LINGO2: variants seen among roughly 807,000 people sequenced by gnomAD.
LINGO2 encodes leucine-rich repeat and immunoglobulin-like domain-containing nogo receptor-interacting protein 2.
In LINGO2, 14 loss-of-function variants were observed where a neutral mutation model predicts 30.6. The ratio of observed to expected loss-of-function variants is 0.46; its 90% CI spans 0.30 to 0.72. The LOEUF is 0.72. Among genes scored for constraint, LINGO2 ranks in the 30% least tolerant of loss-of-function variants. LINGO2 has a pLI of 0.07. For missense variants in LINGO2, 729 were observed against 751.7 expected (o/e 0.97, Z 0.35); for synonymous variants, 317 against 288.5 (o/e 1.10, Z -1.00).
chr9:28,213,685 T>C (rs1003099790), intron 4 of LINGO2, among the ~76,000 whole-genome samples: 2 of 151,482 alleles, frequency 1.3e-5, no homozygotes, highest in Non-Finnish European at 3.0e-5. Context: ...TGGTCACTTA[T>C]GAAATACTTA....
intron 4 of LINGO2, among the ~76,000 whole-genome samples, chr9:28,277,291 G>T (rs941461926): frequency 7.9e-5 from 12 of 152,020 alleles, no homozygotes; most frequent in Non-Finnish European, 1.6e-4. Flanking sequence ...TTGTTTTGGG[G>T]TGACACAAAT....
At chr9:28,807,084 G>A in the LINGO2 span, among the ~76,000 whole-genome samples, 77,404 of 151,354 alleles carry the variant, frequency 0.51, 20,507 homozygotes, top group Middle Eastern at 0.66. Context: ...GAGTGCAGTG[G>A]CGCAATTTCA....
the LINGO2 span, among the ~76,000 whole-genome samples, chr9:28,910,756 G>GT: frequency 2.0e-5 from 3 of 151,754 alleles, no homozygotes; most frequent in African/African-American, 4.8e-5. Context: ...ACCAATTAAA[G>GT]TTTTTTTTCT....
chr9:27,990,553 T>A (rs1821349718), intron 5 of LINGO2, among the ~76,000 whole-genome samples: 1 of 151,296 alleles, frequency 6.6e-6, no homozygotes, highest in South Asian at 2.1e-4. Flanking sequence ...TAGTCAATTT[T>A]AAAAATTTGG....
the LINGO2 span, among the ~76,000 whole-genome samples, chr9:29,183,199 C>T: frequency 6.6e-6 from 1 of 152,158 alleles, no homozygotes; most frequent in African/African-American, 2.4e-5. Context: ...AAGAGATGAA[C>T]TGCCACAGCC....
the LINGO2 span, among the ~76,000 whole-genome samples, chr9:28,783,044 A>C: frequency 1.4e-4 from 22 of 152,328 alleles, no homozygotes; most frequent in South Asian, 4.3e-3. Context: ...GTACAGTAAA[A>C]ATATGATGTA....
At chr9:28,828,802 G>C in the LINGO2 span, among the ~76,000 whole-genome samples, 1 of 152,082 alleles carries the variant, frequency 6.6e-6, no homozygotes, top group Non-Finnish European at 1.5e-5. Context: ...TTTGAAAACT[G>C]CCTTCAAGTA....
chr9:28,624,551 T>C (rs1826569061), intron 1 of LINGO2, among the ~76,000 whole-genome samples: 1 of 152,038 alleles, frequency 6.6e-6, no homozygotes, highest in Non-Finnish European at 1.5e-5. Flanking sequence ...TTTTTAAAAG[T>C]ATTGTTGAAT....
At chr9:28,848,320 T>C in the LINGO2 span, among the ~76,000 whole-genome samples, 3 of 133,400 alleles carry the variant, frequency 2.2e-5, no homozygotes, top group Admixed American at 2.4e-4. Context: ...GCATATATAG[T>C]GTATATATAT....
chr9:27,991,901 ATG>A (rs1821416494), intron 5 of LINGO2, among the ~76,000 whole-genome samples: 2 of 152,060 alleles, frequency 1.3e-5, no homozygotes, highest in African/African-American at 4.8e-5. Flanking sequence ...TTTTTAAAAA[ATG>A]TGCATTTGAT....
chr9:28,322,322 C>A (rs770735830), intron 3 of LINGO2, among the ~76,000 whole-genome samples: 65 of 152,188 alleles, frequency 4.3e-4, no homozygotes, highest in Middle Eastern at 3.4e-3. Context: ...TATCATATCA[C>A]ACCATTTTCA....
At chr9:29,173,311 C>A in the LINGO2 span, among the ~76,000 whole-genome samples, 2 of 152,000 alleles carry the variant, frequency 1.3e-5, no homozygotes, top group African/African-American at 4.8e-5. Flanking sequence ...TTTCTCCAAC[C>A]CTGTATGCTT....
chr9:28,447,203 A>G (rs1824456062), intron 2 of LINGO2, among the ~76,000 whole-genome samples: 1 of 152,148 alleles, frequency 6.6e-6, no homozygotes, highest in South Asian at 2.1e-4. Context: ...TTAGGTCTGG[A>G]CGTTTGTGTC....
rs549478111 is a variant in LINGO2 at position 28,129,954 on chromosome 9, A to T, written c.-86-117549T>A. 6.6e-6 allele frequency among the ~76,000 whole-genome samples: 1 copy of T among 152,372 alleles called. No homozygotes were observed. The highest frequency in any genetic ancestry group is 1.9e-4 in the East Asian group (1 of 5,188). ...GCCAGAACATGTGAATCTTTGTGGTATAACAACTTATGTTCCAGTAACTTC... is the reference window on the plus strand; with the variant it reads ...GCCAGAACATGTGAATCTTTGTGGTTTAACAACTTATGTTCCAGTAACTTC... On this transcript the variant is annotated intron_variant, in intron 4 of 5. Transcript: ENST00000379992. The surrounding 1 kb of genome is among the most constrained non-coding windows in gnomAD (Gnocchi z 4.0).
chr9:28,342,135 C>G (rs748587162), intron 3 of LINGO2, among the ~76,000 whole-genome samples: 9 of 152,056 alleles, frequency 5.9e-5, no homozygotes, highest in South Asian at 2.1e-4. Flanking sequence ...AAATACTTTC[C>G]TTTTCTCGAA....
chr9:28,375,115 CACACACACACACACACACAT>C lies in LINGO2; in HGVS notation c.-278-2267_-278-2248del, dbSNP rs1265653227. Among the ~76,000 whole-genome samples the C allele has an allele frequency of 1.6e-3, 85 of 54,332 alleles. 1 individual carries two copies. Among genetic ancestry groups the C allele is most frequent in the African/African-American group, 3.2e-3 (76 of 23,574 alleles). 35.6% of individuals were successfully genotyped at this position (54,332 alleles called of 152,430 possible). On this transcript the variant is annotated intron_variant, in intron 2 of 5. Transcript: ENST00000379992. ...ACACACACACACACACACACACACA[CACACACACACACACACACAT>C]ACACCCCACACTAAGCTTCTCTCCA...
chr9:28,636,992 A>C (rs570457262), intron 1 of LINGO2, among the ~76,000 whole-genome samples: 1 of 152,012 alleles, frequency 6.6e-6, no homozygotes, highest in Non-Finnish European at 1.5e-5. Context: ...TTGAATTAAT[A>C]TTTGTATAAG....
the LINGO2 span, among the ~76,000 whole-genome samples, chr9:28,898,278 G>A: frequency 6.6e-6 from 1 of 152,288 alleles, no homozygotes; most frequent in East Asian, 1.9e-4. Flanking sequence ...AAAACTTTCT[G>A]TAGCAGTTAT....
intron 3 of LINGO2, among the ~76,000 whole-genome samples, chr9:28,371,336 A>G (rs1430272956): frequency 3.3e-5 from 5 of 152,214 alleles, no homozygotes; most frequent in African/African-American, 7.2e-5. Flanking sequence ...CATTGAAACA[A>G]CAGAAATGTA....
Sources: gnomAD v4.1 joint callset for allele counts (sites outside exome capture counted in the v4.1 genomes callset) on GRCh38, gnomAD v4.1.1 for gene constraint, Gnocchi (gnomAD v3.1) non-coding constraint, MANE v1.5 for transcripts, NCBI Gene and HGNC (gene_info 2026-07-23, HGNC 2026-07-21) for gene names.